Variants in ZFYVE9 observed in about 807,000 individuals in gnomAD.
ZFYVE9 encodes zinc finger FYVE domain-containing protein 9.
A neutral mutation model predicts 126.7 loss-of-function variants in ZFYVE9; 43 were observed. That is an observed-to-expected ratio of 0.34 (90% confidence interval 0.27 to 0.44). The LOEUF (loss-of-function observed/expected upper bound fraction) is 0.44, where lower values mean the gene tolerates loss of function less well. Ranked by LOEUF, ZFYVE9 falls within the 20% of genes least tolerant of loss-of-function variation. ZFYVE9 has a pLI of 1.00. For missense variants in ZFYVE9, 1,476 were observed against 1,697.0 expected (o/e 0.87, Z 2.29); for synonymous variants, 521 against 597.4 (o/e 0.87, Z 1.87).
chr1:52,332,347 A>G (rs1646350244), intron 13 of ZFYVE9, among the ~76,000 whole-genome samples: 1 of 152,210 alleles, frequency 6.6e-6, no homozygotes, highest in African/African-American at 2.4e-5. Context: ...TTTAGAGGGA[A>G]GTTCACTCCT....
At chr1:52,198,817 C>T (rs541483844) in intron 1 of ZFYVE9, among the ~76,000 whole-genome samples, 7 of 152,274 alleles carry the variant, frequency 4.6e-5, no homozygotes, top group South Asian at 2.1e-4. Flanking sequence ...CCCTCACCCA[C>T]GTATAGCCTC....
intron 1 of ZFYVE9, among the ~76,000 whole-genome samples, chr1:52,195,862 A>G (rs1644854931): frequency 6.6e-6 from 1 of 151,090 alleles, no homozygotes; most frequent in African/African-American, 2.4e-5. Context: ...GCCCGATCTC[A>G]GCACACTGCA....
chr1:52,331,112 A>G (rs929286817), intron 13 of ZFYVE9, among the ~76,000 whole-genome samples: 3 of 151,976 alleles, frequency 2.0e-5, no homozygotes, highest in Non-Finnish European at 4.4e-5. Context: ...CAAGTGGTTC[A>G]CCCACCTCGG....
chr1:52,148,254 C>T (rs888977339), intron 1 of ZFYVE9, among the ~76,000 whole-genome samples: 5 of 151,948 alleles, frequency 3.3e-5, no homozygotes, highest in Non-Finnish European at 5.9e-5. Flanking sequence ...GTGGGCCGAT[C>T]GCCTGAGGTC....
In ZFYVE9 at chr1:52,303,884, C is replaced by G. The variant is rs760825781; in HGVS notation, c.3397C>G (p.Arg1133Gly). Reference sequence around the variant, plus strand: ...AGGTTTGGTGGTTGATATGGAAGTTCGGAAAACTAGCATCAAAATTCCCAG... The same window carrying G: ...AGGTTTGGTGGTTGATATGGAAGTTGGGAAAACTAGCATCAAAATTCCCAG... ...VQGLVVDMEV[R>G]KTSIKIPSNR... Residue 1133 changes from arginine to glycine, a missense_variant, in exon 13 of 19, where the codon CGG (arginine) becomes GGG (glycine). Around this residue, in one of 2 missense-constraint regions of ZFYVE9, gnomAD observed 669 missense variants for 902.4 expected, o/e 0.74. Transcript: ENST00000287727. The G allele has an allele frequency of 1.3e-6, 2 of 1,597,646 alleles. No individual in the cohort carries two copies. The highest frequency in any genetic ancestry group is 3.4e-5 in the Admixed American group (2 of 57,972).
chr1:52,255,953 C>CTTTTCTTTTCTT (rs757270068), intron 4 of ZFYVE9, among the ~76,000 whole-genome samples: 1 of 101,214 alleles, frequency 9.9e-6, no homozygotes, highest in African/African-American at 4.7e-5. Context: ...CTTTTCTTTT[C>CTTTTCTTTTCTT]TTTTCTTTTC....
intron 1 of ZFYVE9, among the ~76,000 whole-genome samples, chr1:52,173,997 A>G (rs1481162655): frequency 1.3e-5 from 2 of 150,350 alleles, no homozygotes; most frequent in African/African-American, 2.4e-5. Flanking sequence ...TTTTGTCTCT[A>G]TTTCCTTCAG....
intron 15 of ZFYVE9, among the ~76,000 whole-genome samples, chr1:52,337,114 T>C (rs1341097764): frequency 6.6e-6 from 1 of 152,214 alleles, no homozygotes; most frequent in African/African-American, 2.4e-5. Context: ...ATGAAATTGT[T>C]ATTGAGACTC....
At chr1:52,146,332 TAG>T in intron 1 of ZFYVE9, among the ~76,000 whole-genome samples, 1 of 152,212 alleles carries the variant, frequency 6.6e-6, no homozygotes, top group African/African-American at 2.4e-5. Flanking sequence ...GGAAAAGATG[TAG>T]TTGCAGGCAC....
chr1:52,244,469 G>A (rs1645364721), intron 4 of ZFYVE9, among the ~76,000 whole-genome samples: 1 of 152,118 alleles, frequency 6.6e-6, no homozygotes, highest in Non-Finnish European at 1.5e-5. Context: ...AGTGGTGAGA[G>A]CATGAAGAAA....
chr1:52,293,049 T>C (rs1645938191), intron 10 of ZFYVE9, among the ~76,000 whole-genome samples: 1 of 152,150 alleles, frequency 6.6e-6, no homozygotes, highest in Admixed American at 6.6e-5. Flanking sequence ...TTTGGTAGTG[T>C]CCATCCAGCC....
intron 7 of ZFYVE9, among the ~76,000 whole-genome samples, chr1:52,270,492 C>CT (rs1645680871): frequency 6.6e-6 from 1 of 152,034 alleles, no homozygotes; most frequent in African/African-American, 2.4e-5. Context: ...TCTCGATCTC[C>CT]TGACCTCCTG....
chr1:52,168,801 C>T (rs1051531204), intron 1 of ZFYVE9, among the ~76,000 whole-genome samples: 1 of 152,098 alleles, frequency 6.6e-6, no homozygotes, highest in African/African-American at 2.4e-5. Flanking sequence ...CAGGTATGAG[C>T]CACCACGCCT....
intron 16 of ZFYVE9, among the ~76,000 whole-genome samples, chr1:52,338,503 A>G (rs187673794): frequency 2.6e-5 from 4 of 152,322 alleles, no homozygotes; most frequent in Non-Finnish European, 4.4e-5. Flanking sequence ...ATACCCAGAC[A>G]TTCAGGGACA....
At chr1:52,164,650 GTCCATCCATCCA>G (rs199776740) in intron 1 of ZFYVE9, among the ~76,000 whole-genome samples, 1 of 151,768 alleles carries the variant, frequency 6.6e-6, no homozygotes, top group African/African-American at 2.4e-5. Context: ...CCGTCCATCC[GTCCATCCATCCA>G]TCCATCCATC....
intron 13 of ZFYVE9, among the ~76,000 whole-genome samples, chr1:52,313,898 A>G (rs1029589165): frequency 6.6e-6 from 1 of 152,248 alleles, no homozygotes; most frequent in Non-Finnish European, 1.5e-5. Context: ...TCATGAAAAC[A>G]TAACAACAGA....
chr1:52,151,326 A>G (rs1227445911), intron 1 of ZFYVE9, among the ~76,000 whole-genome samples: 2 of 152,128 alleles, frequency 1.3e-5, no homozygotes, highest in Non-Finnish European at 2.9e-5. Context: ...TTATAAGGTC[A>G]TTATATTATT....
intron 1 of ZFYVE9, among the ~76,000 whole-genome samples, chr1:52,198,902 A>T (rs1644896159): frequency 6.6e-6 from 1 of 152,156 alleles, no homozygotes; most frequent in African/African-American, 2.4e-5. Context: ...CCCAAAGATT[A>T]TTATTTACAT....
chr1:52,336,311 CT>C (rs1393935506), intron 15 of ZFYVE9, among the ~76,000 whole-genome samples: 2 of 146,590 alleles, frequency 1.4e-5, no homozygotes, highest in Non-Finnish European at 3.0e-5. Flanking sequence ...CAACTCTTGA[CT>C]ACAAAACAGA....
Sources: allele counts gnomAD v4.1 joint callset (sites outside exome capture counted in the v4.1 genomes callset), GRCh38; gene constraint gnomAD v4.1.1; regional missense constraint gnomAD v4.1.1; transcripts MANE v1.5; gene names NCBI Gene and HGNC (gene_info 2026-07-23, HGNC 2026-07-21).